The following MARK1 variants were observed in gnomAD, a reference collection of about 807,000 sequenced individuals.
MARK1 encodes microtubule affinity regulating kinase 1, also known as serine/threonine-protein kinase MARK1.
A neutral mutation model predicts 96.3 loss-of-function variants in MARK1; 40 were observed. The ratio of observed to expected loss-of-function variants is 0.42; its 90% CI spans 0.32 to 0.54. MARK1 has a LOEUF of 0.54. MARK1 is among the 20% of genes least tolerant of loss of function. The pLI is 0.16. For synonymous variants in MARK1, 317 were observed against 341.2 expected, an observed-to-expected ratio of 0.93 and a Z score of 0.78; for missense variants, 719 against 984.6, an observed-to-expected ratio of 0.73 and a Z score of 3.61.
chr1:220,639,546 G>A (rs1473750589), intron 13 of MARK1, among the ~76,000 whole-genome samples: 1 of 152,078 alleles, frequency 6.6e-6, no homozygotes, highest in African/African-American at 2.4e-5. Flanking sequence ...ATACATTTAT[G>A]TTATTGGTAT....
At chr1:220,660,651 A>G (rs141459218) in intron 17 of MARK1, among the ~76,000 whole-genome samples, 66 of 152,334 alleles carry the variant, frequency 4.3e-4, no homozygotes, top group African/African-American at 1.5e-3. Context: ...TGTATCACGA[A>G]TAATCTATTA....
intron 6 of MARK1, among the ~76,000 whole-genome samples, chr1:220,605,019 A>T (rs1289565760): frequency 1.3e-5 from 2 of 152,142 alleles, no homozygotes; most frequent in African/African-American, 4.8e-5. Context: ...GAGGTTCTGT[A>T]ATCAGTATGT....
intron 1 of MARK1, among the ~76,000 whole-genome samples, chr1:220,554,407 G>A (rs186161962): frequency 6.4e-4 from 98 of 152,310 alleles, no homozygotes; most frequent in African/African-American, 2.3e-3. Flanking sequence ...CACAAGTAGA[G>A]GTTGGAGTAC....
intron 6 of MARK1, among the ~76,000 whole-genome samples, chr1:220,606,766 T>A (rs1666105190): frequency 1.3e-5 from 2 of 152,184 alleles, no homozygotes; most frequent in Non-Finnish European, 2.9e-5. Flanking sequence ...CAGCACCATT[T>A]ATTAAATAGG....
intron 1 of MARK1, among the ~76,000 whole-genome samples, chr1:220,560,510 C>T (rs1158197663): frequency 2.6e-5 from 4 of 152,154 alleles, no homozygotes; most frequent in African/African-American, 9.7e-5. Context: ...AGCATCACTG[C>T]CCTTGCACTT....
At chr1:220,624,547 C>T (rs1044263699) in intron 9 of MARK1, among the ~76,000 whole-genome samples, 1 of 141,514 alleles carries the variant, frequency 7.1e-6, no homozygotes, top group African/African-American at 2.7e-5. Flanking sequence ...AGCAGTGAGG[C>T]GAGATTGTGC....
At position 220,635,500 on chromosome 1, in the gene MARK1, A is replaced by G. The variant is rs1667908222; in HGVS notation, c.1247A>G (p.Asn416Ser). The G allele has an allele frequency of 1.2e-6, 2 of 1,612,014 alleles. No homozygotes were observed. The highest frequency in any genetic ancestry group is 2.2e-5 in the South Asian group (2 of 90,568). Residue 416 changes from asparagine (N) to serine (S), a missense_variant, in exon 12 of 18, where the codon AAT becomes AGT. By Grantham distance (46) the Asn-to-Ser change is conservative. This residue lies in a region of MARK1 where 501 missense variants were observed against 588.3 expected (regional missense o/e 0.85). Coordinates refer to ENST00000366917, the MANE Select transcript of MARK1 (RefSeq NM_018650.5). ...HLKVQRSISA[N>S]QKQRRFSDHA... is the part of the protein sequence containing the mutation. ...AAGGTCCAGAGAAGTATCTCAGCAA[A>G]TCAGAAGCAGCGGCGTTTCAGTGAT...
rs1424178841 is a variant in MARK1, at chr1:220,612,482, T to G, written c.496-3457T>G. Among the ~76,000 whole-genome samples the G allele has an allele frequency of 3.9e-5, 6 of 152,276 alleles. No homozygotes were observed. The Middle Eastern group carries it at 0.01, about 259-fold the overall frequency. ...TGTAAAACAATGGCAAATATTTTCT[T>G]TATAATGTATTTATTTACTATAAAT... On this transcript the variant is annotated intron_variant, in intron 6 of 17. Transcript: ENST00000366917.
At chr1:220,550,460 C>T (rs991095660) in intron 1 of MARK1, among the ~76,000 whole-genome samples, 26 of 152,274 alleles carry the variant, frequency 1.7e-4, no homozygotes, top group Admixed American at 6.5e-4. Flanking sequence ...TCAAGTGCTC[C>T]TCCCACCTCA....
chr1:220,533,584 G>A (rs1225476680), intron 1 of MARK1, among the ~76,000 whole-genome samples: 1 of 152,076 alleles, frequency 6.6e-6, no homozygotes, highest in Non-Finnish European at 1.5e-5. Context: ...ATTCTTAAAC[G>A]ATAGCTTTGC....
At position 220,654,965 on chromosome 1, in the gene MARK1, CAT is replaced by C. The variant is rs1669086772; in HGVS notation, c.1988+1616_1988+1617del. Among the ~76,000 whole-genome samples, 1 of 152,234 alleles carries C rather than the reference CAT, an allele frequency of 6.6e-6. No individual in the cohort carries two copies. Among genetic ancestry groups the C allele is most frequent in the Non-Finnish European group, 1.5e-5 (1 of 68,040 alleles). The stretch of plus-strand genomic sequence containing the variant: ...AAGATTGCCATATAGTCTTTGAACA[CAT>C]ATGTGGAGACCTACTACACGCAAGG... On this transcript the variant is annotated intron_variant, in intron 16 of 17. Transcript: ENST00000366917. The surrounding 1 kb of genome is among the most constrained non-coding windows in gnomAD (Gnocchi z 4.0).
intron 13 of MARK1, among the ~76,000 whole-genome samples, chr1:220,642,504 T>TG (rs567742306): frequency 2.0e-5 from 3 of 152,116 alleles, no homozygotes; most frequent in Non-Finnish European, 4.4e-5. Flanking sequence ...ACAGAGCACC[T>TG]GGGGGGAGGG....
At chr1:220,535,359 G>T (rs1048842232) in intron 1 of MARK1, among the ~76,000 whole-genome samples, 26 of 151,930 alleles carry the variant, frequency 1.7e-4, no homozygotes, top group African/African-American at 6.3e-4. Context: ...GTACCTGCTG[G>T]CCATTTGTAT....
chr1:220,600,525 C>T (rs374879923), intron 5 of MARK1, among the ~76,000 whole-genome samples: 12 of 152,238 alleles, frequency 7.9e-5, no homozygotes, highest in Middle Eastern at 3.4e-3. Flanking sequence ...TTCCCTTAAA[C>T]GAGAAATGTG....
chr1:220,546,360 T>A (rs1661491663), intron 1 of MARK1, among the ~76,000 whole-genome samples: 1 of 152,196 alleles, frequency 6.6e-6, no homozygotes, highest in Admixed American at 6.5e-5. Flanking sequence ...GTTACAGATG[T>A]CCATGGTAAC....
intron 13 of MARK1, among the ~76,000 whole-genome samples, chr1:220,644,580 C>T (rs746114080): frequency 4.0e-5 from 6 of 151,178 alleles, no homozygotes; most frequent in Admixed American, 1.3e-4. Context: ...ACCAAGTGGA[C>T]CTGATAGATA....
At chr1:220,569,553 C>A (rs1663295574) in intron 1 of MARK1, among the ~76,000 whole-genome samples, 1 of 151,848 alleles carries the variant, frequency 6.6e-6, no homozygotes, top group African/African-American at 2.4e-5. Flanking sequence ...CATTTATATC[C>A]TTAATCAATT....
rs1282213345 is a variant in MARK1 at position 220,618,221 on chromosome 1, T to G, written c.553-89T>G. The G allele has an allele frequency of 2.5e-6, 2 of 791,750 alleles. No individual in the cohort carries two copies. The highest frequency in any genetic ancestry group is 4.2e-6 in the Non-Finnish European group (2 of 480,252). 49.0% of individuals were successfully genotyped at this position (791,750 alleles called of 1,614,324 possible). The stretch of plus-strand genomic sequence containing the variant: ...ACATTTAGAAATGAGGGGCAAGAGA[T>G]ATGTAAGTTTGGAAGCTAAAACTCT... On this transcript the variant is annotated intron_variant, in intron 7 of 17. Coordinates refer to ENST00000366917, the MANE Select transcript of MARK1 (RefSeq NM_018650.5). This position sits in a 1 kb window ranked among gnomAD's most constrained non-coding sequence, Gnocchi z 4.6.
intron 6 of MARK1, among the ~76,000 whole-genome samples, chr1:220,613,739 A>G (rs752502503): frequency 3.9e-5 from 6 of 152,216 alleles, no homozygotes; most frequent in Admixed American, 6.5e-5. Context: ...AAGAAAACTA[A>G]TACTACAAAT....
Sources: allele counts gnomAD v4.1 joint callset (sites outside exome capture counted in the v4.1 genomes callset), GRCh38; gene constraint gnomAD v4.1.1; regional missense constraint gnomAD v4.1.1; non-coding constraint Gnocchi (gnomAD v3.1); transcripts MANE v1.5; gene names NCBI Gene and HGNC (gene_info 2026-07-23, HGNC 2026-07-21).